CNTN5: variants seen among roughly 807,000 people sequenced by gnomAD.
CNTN5 encodes contactin 5.
Under a neutral mutation model 129.1 loss-of-function variants are expected in CNTN5, and 77 were observed. That is an observed-to-expected ratio of 0.60 (90% CI 0.50 to 0.72). The LOEUF (loss-of-function observed/expected upper bound fraction) is 0.72. Ranked by LOEUF, CNTN5 falls within the 30% of genes least tolerant of loss-of-function variation. The probability of loss-of-function intolerance (pLI) is 0.00; values close to 1 mark genes in which losing one functional copy is unlikely to be tolerated. For synonymous variants in CNTN5, 509 were observed against 465.6 expected, an observed-to-expected ratio of 1.09 and a Z score of -1.20; for missense variants, 1,478 against 1,328.8, an observed-to-expected ratio of 1.11 and a Z score of -1.75.
At chr11:100,297,000 G>A (rs546737536) in intron 18 of CNTN5, among the ~76,000 whole-genome samples, 13 of 151,504 alleles carry the variant, frequency 8.6e-5, no homozygotes, top group African/African-American at 2.7e-4. Flanking sequence ...GCAATGAAGG[G>A]GAAATTTATT....
chr11:99,595,895 T>G (rs1950111256), intron 3 of CNTN5, among the ~76,000 whole-genome samples: 1 of 152,120 alleles, frequency 6.6e-6, no homozygotes, highest in South Asian at 2.1e-4. Flanking sequence ...TTAAAGCCTT[T>G]GTGCTTCAAG....
At chr11:99,460,346 T>TGTAGTAG (rs1352975101) in intron 2 of CNTN5, among the ~76,000 whole-genome samples, 2 of 151,732 alleles carry the variant, frequency 1.3e-5, no homozygotes, top group African/African-American at 4.8e-5. Context: ...AATAGATACA[T>TGTAGTAG]TGTAGTAGAA....
chr11:99,961,217 A>AAG (rs1183643519), intron 8 of CNTN5, among the ~76,000 whole-genome samples: 2 of 144,834 alleles, frequency 1.4e-5, no homozygotes, highest in East Asian at 4.0e-4. Flanking sequence ...AAAAAAAAAA[A>AAG]AAAAAAAACA....
intron 3 of CNTN5, among the ~76,000 whole-genome samples, chr11:99,808,727 C>T (rs757995851): frequency 1.4e-4 from 21 of 152,080 alleles, no homozygotes; most frequent in South Asian, 2.1e-4. Flanking sequence ...TGTGAGAAAT[C>T]GCCAAAGCTC....
At chr11:99,140,760 T>A (rs1215504022) in intron 1 of CNTN5, among the ~76,000 whole-genome samples, 1 of 152,180 alleles carries the variant, frequency 6.6e-6, no homozygotes, top group African/African-American at 2.4e-5. Flanking sequence ...TTATTTTGTT[T>A]TTGTTTTTAG....
intron 3 of CNTN5, among the ~76,000 whole-genome samples, chr11:99,762,505 C>T (rs1382229284): frequency 6.6e-6 from 1 of 151,918 alleles, no homozygotes; most frequent in South Asian, 2.1e-4. Flanking sequence ...TTTCCCAGCA[C>T]CATTTATTAA....
intron 1 of CNTN5, among the ~76,000 whole-genome samples, chr11:99,256,751 T>G (rs1399971500): frequency 6.6e-6 from 1 of 151,982 alleles, no homozygotes; most frequent in Non-Finnish European, 1.5e-5. Flanking sequence ...ATAGATAATA[T>G]AAACAGAACA....
chr11:99,152,807 C>A (rs917309556), intron 1 of CNTN5, among the ~76,000 whole-genome samples: 7 of 152,072 alleles, frequency 4.6e-5, no homozygotes, highest in Non-Finnish European at 8.8e-5. Flanking sequence ...AAATTTAGGA[C>A]CTTTTAAGAA....
At chr11:99,433,012 GA>G (rs202138426) in intron 2 of CNTN5, among the ~76,000 whole-genome samples, 1,374 of 135,738 alleles carry the variant, frequency 0.01, 15 homozygotes, top group African/African-American at 0.023. Flanking sequence ...TGATTACCAG[GA>G]AAAAAAAAAA....
At chr11:99,179,759 A>G (rs1000889847) in intron 1 of CNTN5, among the ~76,000 whole-genome samples, 16 of 152,332 alleles carry the variant, frequency 1.1e-4, no homozygotes, top group Admixed American at 7.8e-4. Context: ...TCTTTGAGAC[A>G]TAAGTGTTAC....
At chr11:100,130,984 T>C (rs1049862727) in intron 13 of CNTN5, among the ~76,000 whole-genome samples, 1 of 152,150 alleles carries the variant, frequency 6.6e-6, no homozygotes, top group Non-Finnish European at 1.5e-5. Context: ...TCGGTTGTTA[T>C]GTAACATTGG....
At chr11:99,494,320 C>T (rs1415417025) in intron 2 of CNTN5, among the ~76,000 whole-genome samples, 1 of 152,186 alleles carries the variant, frequency 6.6e-6, no homozygotes, top group African/African-American at 2.4e-5. Context: ...TTTACTTTCT[C>T]ACCAGGCTAT....
intron 3 of CNTN5, among the ~76,000 whole-genome samples, chr11:99,641,505 G>A (rs375156984): frequency 9.2e-5 from 14 of 152,278 alleles, no homozygotes; most frequent in African/African-American, 3.4e-4. Flanking sequence ...AGACGTAGGA[G>A]GGCATGTCCT....
intron 2 of CNTN5, among the ~76,000 whole-genome samples, chr11:99,421,117 C>T (rs1436926933): frequency 1.3e-5 from 2 of 151,210 alleles, no homozygotes; most frequent in African/African-American, 4.9e-5. Context: ...GAGATCCAAG[C>T]TCTGTATTAT....
intron 7 of CNTN5, among the ~76,000 whole-genome samples, chr11:99,938,336 ATAT>A (rs1950360958): frequency 1.3e-5 from 2 of 152,186 alleles, no homozygotes; most frequent in South Asian, 2.1e-4. Context: ...ATAAACAATA[ATAT>A]TATTGCAAAT....
intron 9 of CNTN5, among the ~76,000 whole-genome samples, chr11:100,038,478 T>G (rs181032269): frequency 8.5e-5 from 13 of 152,354 alleles, no homozygotes; most frequent in African/African-American, 2.9e-4. Context: ...TAAATGTCTG[T>G]TAGGTCTGCT....
intron 2 of CNTN5, among the ~76,000 whole-genome samples, chr11:99,552,251 A>G (rs1328818104): frequency 6.8e-6 from 1 of 146,458 alleles, no homozygotes; most frequent in East Asian, 2.1e-4. Flanking sequence ...CAAAAAATTT[A>G]TTTCCTAGAG....
intron 4 of CNTN5, among the ~76,000 whole-genome samples, chr11:99,820,380 G>A (rs1274928555): frequency 6.6e-6 from 1 of 152,284 alleles, no homozygotes; most frequent in Non-Finnish European, 1.5e-5. Context: ...AAATAATAAA[G>A]AGAGCACGCA....
chr11:99,841,018 C>T (rs1186836806), intron 4 of CNTN5, among the ~76,000 whole-genome samples: 1 of 151,970 alleles, frequency 6.6e-6, no homozygotes, highest in Non-Finnish European at 1.5e-5. Flanking sequence ...TGTTTCTTTT[C>T]CCCCCCTTAA....
Sources: gnomAD v4.1 joint callset for allele counts (sites outside exome capture counted in the v4.1 genomes callset) on GRCh38, gnomAD v4.1.1 for gene constraint, MANE v1.5 for transcripts, NCBI Gene and HGNC (gene_info 2026-07-23, HGNC 2026-07-21) for gene names.